The following JPH1 variants were observed in gnomAD, a reference collection of about 807,000 sequenced individuals.
JPH1 encodes the protein junctophilin 1, also known as junctophilin-1.
A neutral mutation model predicts 53.6 loss-of-function variants in JPH1; 12 were observed. That is an observed-to-expected ratio of 0.22 (90% CI 0.14 to 0.36). The LOEUF (loss-of-function observed/expected upper bound fraction) is 0.36. Ranked by LOEUF, JPH1 falls within the 10% of genes least tolerant of loss-of-function variation. JPH1 has a pLI of 1.00. For synonymous variants in JPH1, 375 were observed against 363.8 expected, an observed-to-expected ratio of 1.03 and a Z score of -0.35; for missense variants, 808 against 905.5, an observed-to-expected ratio of 0.89 and a Z score of 1.38.
At chr8:74,244,070 C>T (rs1372752585) in intron 4 of JPH1, among the ~76,000 whole-genome samples, 3 of 152,162 alleles carry the variant, frequency 2.0e-5, no homozygotes, top group Non-Finnish European at 2.9e-5. Context: ...CTAGAGGAGA[C>T]GTTCTTTTGT....
chr8:74,246,331 T>TAC (rs146768619), intron 3 of JPH1, among the ~76,000 whole-genome samples: 2,127 of 152,272 alleles, frequency 0.014, 64 homozygotes, highest in African/African-American at 0.049. Context: ...TCCTGCCTTC[T>TAC]ACCCCCAACC....
intron 2 of JPH1, among the ~76,000 whole-genome samples, chr8:74,276,306 C>T (rs921182693): frequency 6.6e-6 from 1 of 152,158 alleles, no homozygotes; most frequent in Non-Finnish European, 1.5e-5. Flanking sequence ...TCATCCTGAA[C>T]AACAGGTTGA....
chr8:74,317,733 A>G (rs538012971), intron 1 of JPH1, among the ~76,000 whole-genome samples: 11 of 152,360 alleles, frequency 7.2e-5, no homozygotes, highest in South Asian at 2.1e-4. Context: ...TTTGATATCA[A>G]TAAGTATCTG....
Position 74,244,875 on chromosome 8 carries a change from G to A in JPH1, c.1559C>T (p.Thr520Met), listed in dbSNP as rs139723190. Reference sequence around the variant, plus strand: ...GGGCACAACCGCTCCTGCCTCCTTCGTGGGAGCCTTTGACATCAAGGGCTT... The same window carrying A: ...GGGCACAACCGCTCCTGCCTCCTTCATGGGAGCCTTTGACATCAAGGGCTT... ...VNKPLMSKAP[T>M]KEAGAVVPQS... The change falls in exon 4 of 6, where the codon ACG (threonine) becomes ATG (methionine). Residue 520 changes from threonine (T) to methionine (M), a missense_variant. By Grantham distance (81) the Thr-to-Met change is moderately conservative. This residue lies in a region of JPH1 where 756 missense variants were observed against 811.9 expected (regional missense o/e 0.93). Coordinates refer to ENST00000342232, the MANE Select transcript of JPH1 (RefSeq NM_020647.4). 2.3e-4 allele frequency: 365 copies of A among 1,614,168 alleles called. 1 individual carries two copies. The East Asian group carries it at 7.1e-3, about 32-fold the overall frequency.
chr8:74,294,701 T>C (rs1358357710), intron 2 of JPH1, among the ~76,000 whole-genome samples: 1 of 152,182 alleles, frequency 6.6e-6, no homozygotes, highest in African/African-American at 2.4e-5. Flanking sequence ...CATTTTGGTT[T>C]CTCCCAAGGC....
intron 1 of JPH1, among the ~76,000 whole-genome samples, chr8:74,319,668 G>A (rs978243909): frequency 6.6e-6 from 1 of 152,216 alleles, no homozygotes; most frequent in African/African-American, 2.4e-5. Flanking sequence ...AATTGTGTAA[G>A]CTTTTATATA....
chr8:74,303,237 A>C (rs1421900724), intron 2 of JPH1, among the ~76,000 whole-genome samples: 1 of 152,328 alleles, frequency 6.6e-6, no homozygotes, highest in East Asian at 1.9e-4. Context: ...CTGCAAGCAC[A>C]GCTCAAATCT....
chr8:74,308,970 C>A (rs1164654027), intron 2 of JPH1, among the ~76,000 whole-genome samples: 4 of 152,128 alleles, frequency 2.6e-5, no homozygotes, highest in Admixed American at 6.5e-5. Context: ...TTTTAAAATC[C>A]TACAGGAAAA....
chr8:74,267,179 A>G (rs1806557079), intron 2 of JPH1, among the ~76,000 whole-genome samples: 1 of 152,178 alleles, frequency 6.6e-6, no homozygotes, highest in African/African-American at 2.4e-5. Context: ...TGCTATGCAA[A>G]TTAAAGGTCA....
chr8:74,272,150 T>C (rs1268463020), intron 2 of JPH1, among the ~76,000 whole-genome samples: 2 of 152,210 alleles, frequency 1.3e-5, no homozygotes, highest in Non-Finnish European at 2.9e-5. Context: ...TAATCAACCC[T>C]GGCTGTCTCC....
intron 2 of JPH1, among the ~76,000 whole-genome samples, chr8:74,306,159 C>T (rs1408428030): frequency 6.6e-6 from 1 of 152,188 alleles, no homozygotes; most frequent in African/African-American, 2.4e-5. Flanking sequence ...AGGCCAGGAG[C>T]TGGCCAGAGG....
intron 4 of JPH1, among the ~76,000 whole-genome samples, chr8:74,240,894 T>G (rs1805674537): frequency 1.3e-5 from 2 of 152,202 alleles, no homozygotes; most frequent in Non-Finnish European, 2.9e-5. Context: ...TCTAACCCCT[T>G]TGAATTAGTG....
chr8:74,253,016 T>C (rs1450166882), intron 3 of JPH1, among the ~76,000 whole-genome samples: 1 of 152,000 alleles, frequency 6.6e-6, no homozygotes, highest in Non-Finnish European at 1.5e-5. Flanking sequence ...ACCCAGGAAT[T>C]GAACTCAGCT....
At position 74,320,083 on chromosome 8, in the gene JPH1, G is replaced by A. The variant is rs1383224738; in HGVS notation, c.379+826C>T. Among the ~76,000 whole-genome samples, 6 of 152,146 alleles carry A rather than the reference G, an allele frequency of 3.9e-5. No homozygotes were observed. In the East Asian group the frequency reaches 9.7e-4, roughly 24 times the overall value. On this transcript the variant is annotated intron_variant, in intron 1 of 5. Coordinates refer to ENST00000342232, the MANE Select transcript of JPH1 (RefSeq NM_020647.4). The surrounding 1 kb of genome is among the most constrained non-coding windows in gnomAD (Gnocchi z 4.4). ...ATTGTTTCAGTATTGCCATTCTCAG[G>A]AGTAGTAGCTGCTAACTTAGCAGCT...
intron 3 of JPH1, among the ~76,000 whole-genome samples, chr8:74,258,015 T>C (rs1389313813): frequency 9.2e-5 from 14 of 152,226 alleles, no homozygotes; most frequent in Admixed American, 9.2e-4. Flanking sequence ...CATCCTTGAT[T>C]ATAGCCAAGT....
chr8:74,271,125 T>C (rs772943978), intron 2 of JPH1, among the ~76,000 whole-genome samples: 3 of 150,700 alleles, frequency 2.0e-5, no homozygotes, highest in Non-Finnish European at 4.4e-5. Context: ...GGGGGAGATT[T>C]AGGACGTCAT....
chr8:74,283,459 T>C (rs1807071494), intron 2 of JPH1, among the ~76,000 whole-genome samples: 1 of 152,102 alleles, frequency 6.6e-6, no homozygotes. Context: ...GATGGTTGCA[T>C]ACAGAAAGCC....
chr8:74,312,582 G>GTT (rs1808029229), intron 2 of JPH1, among the ~76,000 whole-genome samples: 1 of 152,158 alleles, frequency 6.6e-6, no homozygotes, highest in Admixed American at 6.5e-5. Flanking sequence ...ATGCAGTATT[G>GTT]TTAACTATAG....
intron 2 of JPH1, among the ~76,000 whole-genome samples, chr8:74,309,055 T>G (rs7009182): frequency 6.6e-6 from 1 of 152,132 alleles, no homozygotes; most frequent in Non-Finnish European, 1.5e-5. Context: ...CTGAACAGGG[T>G]GCAGAAGAGA....
Sources: allele counts gnomAD v4.1 joint callset (sites outside exome capture counted in the v4.1 genomes callset), GRCh38; gene constraint gnomAD v4.1.1; regional missense constraint gnomAD v4.1.1; non-coding constraint Gnocchi (gnomAD v3.1); transcripts MANE v1.5; gene names NCBI Gene and HGNC (gene_info 2026-07-23, HGNC 2026-07-21).